Variants in SSBP2 observed in about 807,000 individuals in gnomAD.
SSBP2 encodes single-stranded DNA-binding protein 2.
Under a neutral mutation model 61.8 loss-of-function variants are expected in SSBP2, and 17 were observed. The ratio of observed to expected loss-of-function variants is 0.28; its 90% CI spans 0.19 to 0.41. The LOEUF (loss-of-function observed/expected upper bound fraction) is 0.41, where lower values mean the gene tolerates loss of function less well. Ranked by LOEUF, SSBP2 falls within the 10% of genes least tolerant of loss-of-function variation. The pLI is 1.00. For synonymous variants in SSBP2, 139 were observed against 141.3 expected (o/e 0.98, Z 0.12); for missense variants, 310 against 458.7 (o/e 0.68, Z 2.96).
At chr5:81,432,984 G>C (rs1379447101) in intron 15 of SSBP2, among the ~76,000 whole-genome samples, 27 of 149,760 alleles carry the variant, frequency 1.8e-4, no homozygotes, top group Non-Finnish European at 3.4e-4. Flanking sequence ...GAGGGAGGTG[G>C]GGGGGGTCAG....
chr5:81,472,025 G>A (rs879292187), intron 8 of SSBP2, among the ~76,000 whole-genome samples: 2 of 151,970 alleles, frequency 1.3e-5, no homozygotes, highest in Non-Finnish European at 1.5e-5. Context: ...TTTTTACTCT[G>A]TTGGTAGCAC....
rs375426989 is a variant in SSBP2, at chr5:81,497,878, T to C, written c.373-8569A>G. Among the ~76,000 whole-genome samples the C allele has an allele frequency of 1.5e-4, 23 of 152,214 alleles. No homozygotes were observed. The East Asian group carries it at 3.9e-3, about 26-fold the overall frequency. ...AAACATGATTTGGCACAAAAGGATA[T>C]CAGGTTAATTTATATACAATTTTGG... is the stretch of plus-strand genomic sequence containing the variant. On this transcript the variant is annotated intron_variant, in intron 5 of 16. Transcript: ENST00000320672.
intron 1 of SSBP2, among the ~76,000 whole-genome samples, chr5:81,737,050 A>G (rs981796773): frequency 6.6e-6 from 1 of 152,174 alleles, no homozygotes; most frequent in Non-Finnish European, 1.5e-5. Flanking sequence ...AATCCATCCC[A>G]AAATCACTTT....
At chr5:81,594,422 A>G (rs1168528958) in intron 4 of SSBP2, among the ~76,000 whole-genome samples, 1 of 152,174 alleles carries the variant, frequency 6.6e-6, no homozygotes, top group Non-Finnish European at 1.5e-5. Flanking sequence ...TGTCAACATT[A>G]GACAGATCAA....
chr5:81,609,475 C>A (rs116349422), intron 4 of SSBP2, among the ~76,000 whole-genome samples: 1 of 152,152 alleles, frequency 6.6e-6, no homozygotes, highest in Non-Finnish European at 1.5e-5. Flanking sequence ...GCTCGTATAC[C>A]TTTCCAAACA....
At chr5:81,434,461 C>A (rs7725277) in intron 15 of SSBP2, among the ~76,000 whole-genome samples, 37,229 of 151,108 alleles carry the variant, frequency 0.25, 4,889 homozygotes, top group Non-Finnish European at 0.3. Flanking sequence ...AGTTCCAGAC[C>A]AGCCTGACAA....
intron 1 of SSBP2, among the ~76,000 whole-genome samples, chr5:81,662,475 A>G (rs1040149380): frequency 6.6e-6 from 1 of 152,040 alleles, no homozygotes; most frequent in Non-Finnish European, 1.5e-5. Flanking sequence ...CTCAAAAACA[A>G]ACAAAAAAAA....
At chr5:81,723,254 T>A (rs1271279255) in intron 1 of SSBP2, among the ~76,000 whole-genome samples, 1 of 151,966 alleles carries the variant, frequency 6.6e-6, no homozygotes, top group Non-Finnish European at 1.5e-5. Context: ...TTAGTAAGAG[T>A]TATATATTTA....
Position 81,413,248 on chromosome 5 carries a change from A to G in SSBP2, c.*7256T>C, listed in dbSNP as rs1254126613. On this transcript the variant is annotated 3_prime_UTR_variant, in exon 17 of 17. Transcript: ENST00000320672. ...TCAAGTACTTGTACAAAAACACTAA[A>G]TTATAAATCCATTTGAGAATAAATG... 6.6e-6 allele frequency: 1 copy of G among 152,238 alleles called. No homozygotes were observed. The highest frequency in any genetic ancestry group is 1.5e-5 in the Non-Finnish European group (1 of 68,028). 9.4% of individuals were successfully genotyped at this position (152,238 alleles called of 1,614,324 possible). A position where few individuals can be genotyped will look rare whatever the true frequency, so the allele number is the denominator to read the frequency against.
At chr5:81,622,219 C>T (rs1035173221) in intron 3 of SSBP2, among the ~76,000 whole-genome samples, 3 of 151,766 alleles carry the variant, frequency 2.0e-5, no homozygotes, top group Non-Finnish European at 2.9e-5. Flanking sequence ...AAATTATGCT[C>T]CTTACAAAAC....
intron 4 of SSBP2, among the ~76,000 whole-genome samples, chr5:81,571,876 A>G (rs1262208720): frequency 6.6e-6 from 1 of 152,174 alleles, no homozygotes; most frequent in East Asian, 1.9e-4. Context: ...GCCTTAGAAA[A>G]TAAGTGGGCC....
At chr5:81,705,705 C>A (rs1215501822) in intron 1 of SSBP2, among the ~76,000 whole-genome samples, 2 of 152,114 alleles carry the variant, frequency 1.3e-5, no homozygotes, top group African/African-American at 4.8e-5. Flanking sequence ...ATATTGCAAA[C>A]TCTAGGAAAA....
At chr5:81,598,276 ACTT>A (rs1743991489) in intron 4 of SSBP2, among the ~76,000 whole-genome samples, 1 of 152,054 alleles carries the variant, frequency 6.6e-6, no homozygotes, top group Non-Finnish European at 1.5e-5. Flanking sequence ...ATTACCACAA[ACTT>A]CTTATAAAAT....
chr5:81,598,504 T>A (rs1744021111), intron 4 of SSBP2, among the ~76,000 whole-genome samples: 1 of 152,346 alleles, frequency 6.6e-6, no homozygotes, highest in East Asian at 1.9e-4. Context: ...GATTACTTTA[T>A]ATCATTACTG....
At chr5:81,526,026 C>A (rs1350069544) in intron 4 of SSBP2, among the ~76,000 whole-genome samples, 2 of 152,036 alleles carry the variant, frequency 1.3e-5, no homozygotes, top group African/African-American at 4.8e-5. Context: ...AAGGTCATCA[C>A]TACATACTCA....
chr5:81,666,195 C>T (rs191602708), intron 1 of SSBP2, among the ~76,000 whole-genome samples: 1 of 152,066 alleles, frequency 6.6e-6, no homozygotes, highest in Non-Finnish European at 1.5e-5. Flanking sequence ...GAATACCCAG[C>T]CTTTGTTTTA....
chr5:81,659,009 C>T (rs1156738115), intron 1 of SSBP2, among the ~76,000 whole-genome samples: 1 of 152,134 alleles, frequency 6.6e-6, no homozygotes. Context: ...ATTGATGGAA[C>T]ATATCTCAAA....
chr5:81,532,037 T>A (rs1392472695), intron 4 of SSBP2, among the ~76,000 whole-genome samples: 3 of 152,060 alleles, frequency 2.0e-5, no homozygotes, highest in African/African-American at 7.2e-5. Flanking sequence ...ATAGAGAGCA[T>A]TTGGAAAGAA....
intron 1 of SSBP2, among the ~76,000 whole-genome samples, chr5:81,668,261 A>C (rs1404584969): frequency 6.7e-6 from 1 of 149,872 alleles, no homozygotes; most frequent in African/African-American, 2.5e-5. Flanking sequence ...AAAAAAAAAA[A>C]AAAAAAAAAA....
Sources: allele counts gnomAD v4.1 joint callset (sites outside exome capture counted in the v4.1 genomes callset), GRCh38; gene constraint gnomAD v4.1.1; transcripts MANE v1.5; gene names NCBI Gene and HGNC (gene_info 2026-07-23, HGNC 2026-07-21).